Variants in EXOC6 observed in about 807,000 individuals in gnomAD.
EXOC6 encodes exocyst complex component 6.
EXOC6 carries 60 observed loss-of-function variants against 112.5 expected under a neutral mutation model. The observed-to-expected ratio is 0.53, with a 90% confidence interval of 0.43 to 0.66. The LOEUF is 0.66. Ranked by LOEUF, EXOC6 falls within the 30% of genes least tolerant of loss-of-function variation. The pLI is 0.00. For synonymous variants in EXOC6, 295 were observed against 308.0 expected, an observed-to-expected ratio of 0.96 and a Z score of 0.44; for missense variants, 855 against 957.1, an observed-to-expected ratio of 0.89 and a Z score of 1.41.
At chr10:92,839,642 T>C (rs1372362845) in intron 1 of EXOC6, among the ~76,000 whole-genome samples, 2 of 152,182 alleles carry the variant, frequency 1.3e-5, no homozygotes, top group Non-Finnish European at 2.9e-5. Flanking sequence ...GACCTGGATG[T>C]AGCCTGGGGC....
chr10:93,014,244 C>G lies in EXOC6; in HGVS notation c.2146C>G (p.Leu716Val). The G allele has an allele frequency of 6.2e-7, 1 of 1,613,382 alleles. No individual in the cohort carries two copies. The highest frequency in any genetic ancestry group is 8.5e-7 in the Non-Finnish European group (1 of 1,179,538). Reference sequence around the variant, plus strand: ...AGGATTCCAGGGGGATACCCTGCAGCTAGCATTCATTGACCTCAGACAAGT... The same window carrying G: ...AGGATTCCAGGGGGATACCCTGCAGGTAGCATTCATTGACCTCAGACAAGT... Reference protein sequence around the residue: ...VPGFQGDTLQLAFIDLRQLLD... With the variant: ...VPGFQGDTLQVAFIDLRQLLD... The change falls in exon 20 of 22, where the codon CTA becomes GTA. Residue 716 changes from leucine to valine, a missense_variant. Transcript: ENST00000260762.
At chr10:92,905,874 C>G (rs555263389) in intron 5 of EXOC6, among the ~76,000 whole-genome samples, 6 of 152,042 alleles carry the variant, frequency 3.9e-5, no homozygotes, top group African/African-American at 1.4e-4. Flanking sequence ...TGGTACTGTT[C>G]AGTTCAGCTA....
chr10:92,848,952 C>T lies in EXOC6; in HGVS notation c.101+318C>T, dbSNP rs528299941. Among the ~76,000 whole-genome samples, 5 of 152,288 alleles carry T rather than the reference C, an allele frequency of 3.3e-5. No homozygotes were observed. The East Asian group carries it at 5.8e-4, about 18-fold the overall frequency. On this transcript the variant is annotated intron_variant, in intron 1 of 21. Coordinates refer to ENST00000260762, the MANE Select transcript of EXOC6 (RefSeq NM_019053.6). ...GCGTTCTCCTCCTGGCTGCGGCCCC[C>T]GGGCCCGAGGACACTTCTGGGGCCT... is the stretch of plus-strand genomic sequence containing the variant.
rs958528801 is a variant in EXOC6 at position 92,911,977 on chromosome 10, GTGTA to G, written c.663+2352_663+2355del. On this transcript the variant is annotated intron_variant, in intron 6 of 21. Transcript: ENST00000260762. ...TGTGTGTGTGTGTGTGTGTGTGTTT[GTGTA>G]TGTATAAGAAGCCTCCTGAAGTCTC... Among the ~76,000 whole-genome samples, 129 of 146,946 alleles carry G rather than the reference GTGTA, an allele frequency of 8.8e-4. 1 individual carries two copies. Among genetic ancestry groups the G allele is most frequent in the Non-Finnish European group, 1.7e-3 (114 of 66,542 alleles).
intron 18 of EXOC6, among the ~76,000 whole-genome samples, chr10:92,975,883 C>T (rs1215143125): frequency 4.3e-5 from 6 of 141,140 alleles, no homozygotes; most frequent in Admixed American, 3.4e-4. Context: ...TGAGGAGCCC[C>T]TCTGCCTGGC....
At chr10:92,831,426 C>G, upstream of EXOC6, 2 of 874,322 alleles carry the variant, frequency 2.3e-6, no homozygotes, top group Non-Finnish European at 3.1e-6. Flanking sequence ...ATACTATATT[C>G]TATTTTTTTT....
chr10:92,845,552 C>CAA (rs1169907413), upstream of EXOC6, among the ~76,000 whole-genome samples: 60 of 65,454 alleles, frequency 9.2e-4, no homozygotes, highest in East Asian at 9.0e-3. Context: ...GACTCCATCT[C>CAA]AAAAAAAAAA....
At chr10:92,916,817 A>G (rs555184627) in intron 7 of EXOC6, among the ~76,000 whole-genome samples, 2 of 152,288 alleles carry the variant, frequency 1.3e-5, no homozygotes, top group East Asian at 1.9e-4. Context: ...TCAAGTTGAC[A>G]AAGTCAGTCA....
At chr10:93,012,970 C>T (rs554047152) in intron 19 of EXOC6, among the ~76,000 whole-genome samples, 4 of 151,756 alleles carry the variant, frequency 2.6e-5, no homozygotes, top group South Asian at 4.2e-4. Flanking sequence ...CCCAGGAGTT[C>T]GAGGTTGCAG....
At chr10:93,054,364 A>G (rs1465445180) in intron 20 of EXOC6, among the ~76,000 whole-genome samples, 1 of 152,216 alleles carries the variant, frequency 6.6e-6, no homozygotes, top group African/African-American at 2.4e-5. Flanking sequence ...TTAATTCCTT[A>G]ACCATTAATT....
chr10:93,015,223 A>G (rs1478445335), intron 20 of EXOC6, among the ~76,000 whole-genome samples: 3 of 152,234 alleles, frequency 2.0e-5, no homozygotes, highest in Non-Finnish European at 2.9e-5. Flanking sequence ...TGTTTGGAGC[A>G]GCACCAGTTT....
chr10:92,880,788 G>A (rs1317156936), intron 1 of EXOC6, among the ~76,000 whole-genome samples: 1 of 152,038 alleles, frequency 6.6e-6, no homozygotes, highest in African/African-American at 2.4e-5. Flanking sequence ...TATGGAGGGG[G>A]AAGGGCATCC....
chr10:92,830,486 T>C (rs1344031941), upstream of EXOC6, among the ~76,000 whole-genome samples: 2 of 152,172 alleles, frequency 1.3e-5, no homozygotes, highest in Non-Finnish European at 1.5e-5. Context: ...CACAGCCTGA[T>C]GGTGTGTCCC....
intron 18 of EXOC6, among the ~76,000 whole-genome samples, chr10:92,994,671 G>A (rs1229156715): frequency 2.0e-5 from 3 of 151,898 alleles, no homozygotes; most frequent in South Asian, 2.1e-4. Flanking sequence ...AAAAACTAGA[G>A]CGTCTCTAAT....
intron 1 of EXOC6, among the ~76,000 whole-genome samples, chr10:92,862,434 A>G (rs1008403701): frequency 5.3e-5 from 8 of 152,018 alleles, no homozygotes; most frequent in Admixed American, 1.3e-4. Flanking sequence ...TCACTCATGA[A>G]TGGGACCGGT....
At position 93,058,399 on chromosome 10, in the gene EXOC6, A is replaced by T. The variant is rs374647206; in HGVS notation, c.*44A>T. ...TCAGTGACACCAAATCCATGATTCA[A>T]TGTTGATCTTGAGCAAGTATTGGTC... is the stretch of plus-strand genomic sequence containing the variant. On this transcript the variant is annotated 3_prime_UTR_variant, in exon 22 of 22. Coordinates refer to ENST00000260762, the MANE Select transcript of EXOC6 (RefSeq NM_019053.6). 1.3e-6 allele frequency: 2 copies of T among 1,529,578 alleles called. No homozygotes were observed. Among genetic ancestry groups the T allele is most frequent in the East Asian group, 4.8e-5 (2 of 41,852 alleles). The allele number at this position is 1,529,578 out of a possible 1,614,324, so 94.8% of individuals were successfully genotyped here.
At chr10:92,888,190 A>AGAG (rs2133794978) in intron 1 of EXOC6, among the ~76,000 whole-genome samples, 2 of 152,210 alleles carry the variant, frequency 1.3e-5, no homozygotes, top group South Asian at 4.1e-4. Context: ...TACCCCTCTC[A>AGAG]GGCTTTGGTT....
chr10:92,844,625 GTTTTTA>G (rs1846986544), upstream of EXOC6, among the ~76,000 whole-genome samples: 1 of 152,122 alleles, frequency 6.6e-6, no homozygotes, highest in Non-Finnish European at 1.5e-5. Context: ...TATGTGTCTG[GTTTTTA>G]TTTTTATTTT....
intron 1 of EXOC6, among the ~76,000 whole-genome samples, chr10:92,887,094 C>G (rs146618158): frequency 4.6e-5 from 7 of 152,238 alleles, no homozygotes; most frequent in African/African-American, 1.7e-4. Flanking sequence ...ACTATCTTTC[C>G]AAATTGTCAG....
Sources: gnomAD v4.1 joint callset for allele counts (sites outside exome capture counted in the v4.1 genomes callset) on GRCh38, gnomAD v4.1.1 for gene constraint, MANE v1.5 for transcripts, NCBI Gene and HGNC (gene_info 2026-07-23, HGNC 2026-07-21) for gene names.